KCNH8: variants seen among roughly 807,000 people sequenced by gnomAD.
KCNH8 encodes the protein potassium voltage-gated channel subfamily H member 8.
Under a neutral mutation model 103.6 loss-of-function variants are expected in KCNH8, and 70 were observed. That is an observed-to-expected ratio of 0.68 (90% confidence interval 0.56 to 0.82). The LOEUF (loss-of-function observed/expected upper bound fraction) is 0.82. Among genes scored for constraint, KCNH8 ranks in the 40% least tolerant of loss-of-function variants. The probability of loss-of-function intolerance (pLI) is 0.00; values close to 1 mark genes in which losing one functional copy is unlikely to be tolerated. For missense variants in KCNH8, 1,217 were observed against 1,329.9 expected (o/e 0.92, Z 1.32); for synonymous variants, 498 against 489.4 (o/e 1.02, Z -0.23).
At chr3:19,393,453 C>G (rs1261131329) in intron 6 of KCNH8, among the ~76,000 whole-genome samples, 7 of 152,018 alleles carry the variant, frequency 4.6e-5, no homozygotes, top group Non-Finnish European at 1.0e-4. Context: ...ATTCTTTGCT[C>G]AAACATCCCC....
chr3:19,157,526 CATATT>C (rs1171643322), intron 1 of KCNH8, among the ~76,000 whole-genome samples: 32 of 152,126 alleles, frequency 2.1e-4, no homozygotes, highest in African/African-American at 5.5e-4. Flanking sequence ...GTACAGTACT[CATATT>C]ATATATTGTA....
At chr3:19,283,972 A>AAG (rs1484428699) in intron 3 of KCNH8, among the ~76,000 whole-genome samples, 5 of 151,248 alleles carry the variant, frequency 3.3e-5, no homozygotes, top group Non-Finnish European at 5.9e-5. Flanking sequence ...GAAAAAGAAA[A>AAG]AAAAATATTT....
intron 1 of KCNH8, among the ~76,000 whole-genome samples, chr3:19,210,216 T>C (rs890604514): frequency 6.6e-6 from 1 of 152,156 alleles, no homozygotes; most frequent in African/African-American, 2.4e-5. Context: ...CATCACATTT[T>C]AAAATTAAGA....
chr3:19,498,398 T>A (rs1013424959), intron 11 of KCNH8, among the ~76,000 whole-genome samples: 1 of 152,190 alleles, frequency 6.6e-6, no homozygotes, highest in African/African-American at 2.4e-5. Flanking sequence ...TTTCTTTCCA[T>A]GTTTAGTGCT....
At chr3:19,500,298 G>T (rs2068549781) in intron 11 of KCNH8, among the ~76,000 whole-genome samples, 1 of 152,112 alleles carries the variant, frequency 6.6e-6, no homozygotes, top group Admixed American at 6.6e-5. Context: ...AGTCCTGAGT[G>T]ACCTACAAAG....
intron 1 of KCNH8, among the ~76,000 whole-genome samples, chr3:19,206,492 A>G (rs1223052723): frequency 6.6e-6 from 1 of 151,898 alleles, no homozygotes; most frequent in Non-Finnish European, 1.5e-5. Flanking sequence ...TTGAAAGACA[A>G]TTAAAATGGT....
chr3:19,402,330 T>C (rs2066625581), intron 7 of KCNH8, among the ~76,000 whole-genome samples: 1 of 151,900 alleles, frequency 6.6e-6, no homozygotes, highest in African/African-American at 2.4e-5. Flanking sequence ...AGAATAATCA[T>C]GGTTTTAATC....
intron 11 of KCNH8, among the ~76,000 whole-genome samples, chr3:19,504,095 G>T (rs533084545): frequency 1.3e-5 from 2 of 152,168 alleles, no homozygotes; most frequent in South Asian, 2.1e-4. Context: ...ATGGGGAAAG[G>T]ACTCCTTATT....
At chr3:19,178,602 G>A (rs577377382) in intron 1 of KCNH8, among the ~76,000 whole-genome samples, 1 of 152,264 alleles carries the variant, frequency 6.6e-6, no homozygotes, top group African/African-American at 2.4e-5. Context: ...AATTTAGACT[G>A]AGATTTGAAT....
intron 8 of KCNH8, among the ~76,000 whole-genome samples, chr3:19,445,538 T>C (rs536871985): frequency 1.1e-4 from 17 of 152,000 alleles, no homozygotes; most frequent in Admixed American, 2.0e-4. Context: ...AAAAATAATA[T>C]ATCAAGCATG....
chr3:19,259,554 G>A (rs1386065212), intron 2 of KCNH8, among the ~76,000 whole-genome samples: 1 of 151,634 alleles, frequency 6.6e-6, no homozygotes, highest in African/African-American at 2.4e-5. Flanking sequence ...TCATGAACAG[G>A]TCCCAATTTG....
At chr3:19,502,344 T>C (rs1028371620) in intron 11 of KCNH8, among the ~76,000 whole-genome samples, 18 of 150,752 alleles carry the variant, frequency 1.2e-4, no homozygotes, top group African/African-American at 4.4e-4. Flanking sequence ...ATGGCCATAC[T>C]GCCCAAGGTA....
intron 8 of KCNH8, among the ~76,000 whole-genome samples, chr3:19,443,641 T>G (rs1251591523): frequency 1.3e-5 from 2 of 151,818 alleles, no homozygotes; most frequent in East Asian, 3.9e-4. Context: ...ATGTGAACTT[T>G]GAGAACACCC....
intron 3 of KCNH8, among the ~76,000 whole-genome samples, chr3:19,335,539 A>G (rs1262176400): frequency 6.7e-6 from 1 of 148,940 alleles, no homozygotes; most frequent in African/African-American, 2.5e-5. Context: ...TTTGGTACCA[A>G]GTTTTCCAGA....
intron 7 of KCNH8, among the ~76,000 whole-genome samples, chr3:19,423,180 T>G (rs959912058): frequency 6.6e-6 from 1 of 152,106 alleles, no homozygotes; most frequent in Non-Finnish European, 1.5e-5. Flanking sequence ...TGCATGACCC[T>G]AAGATAAATC....
intron 3 of KCNH8, among the ~76,000 whole-genome samples, chr3:19,284,883 AAAAGGAAAG>A (rs2064809480): frequency 6.7e-6 from 1 of 149,028 alleles, no homozygotes; most frequent in Non-Finnish European, 1.5e-5. Flanking sequence ...AAAAAAAAAG[AAAAGGAAAG>A]AAAGAAAAGA....
intron 3 of KCNH8, among the ~76,000 whole-genome samples, chr3:19,296,396 C>G (rs1036245549): frequency 6.6e-6 from 1 of 152,192 alleles, no homozygotes; most frequent in African/African-American, 2.4e-5. Context: ...CAAATATTAA[C>G]TAGAAAGCTG....
At chr3:19,240,636 A>T (rs187802544) in intron 1 of KCNH8, among the ~76,000 whole-genome samples, 1 of 151,748 alleles carries the variant, frequency 6.6e-6, no homozygotes. Context: ...AACAAAAAAA[A>T]CTTCGGAATC....
At chr3:19,335,467 GTATATATATGTGTGTGTA>G (rs2065571246) in intron 3 of KCNH8, among the ~76,000 whole-genome samples, 1 of 115,796 alleles carries the variant, frequency 8.6e-6, no homozygotes, top group Non-Finnish European at 1.7e-5. Flanking sequence ...GTGTGTGTGT[GTATATATATGTGTGTGTA>G]TATATATATA....
Sources: allele counts gnomAD v4.1 joint callset (sites outside exome capture counted in the v4.1 genomes callset), GRCh38; gene constraint gnomAD v4.1.1; transcripts MANE v1.5; gene names NCBI Gene and HGNC (gene_info 2026-07-23, HGNC 2026-07-21).